The following GBE1 variants were observed in gnomAD, a reference collection of about 807,000 sequenced individuals.
The protein encoded by GBE1 is 1,4-alpha-glucan-branching enzyme.
Under a neutral mutation model 88.8 loss-of-function variants are expected in GBE1, and 70 were observed. The ratio of observed to expected loss-of-function variants is 0.79; its 90% confidence interval spans 0.65 to 0.96. The LOEUF is 0.96. Among genes scored for constraint, GBE1 ranks in the 40% least tolerant of loss-of-function variants. The pLI is 0.00. For missense variants in GBE1, 872 were observed against 871.0 expected, an observed-to-expected ratio of 1.00 and a Z score of -0.01; for synonymous variants, 284 against 300.1, an observed-to-expected ratio of 0.95 and a Z score of 0.56.
At chr3:81,578,182 A>G (rs1703674950) in intron 11 of GBE1, 86 bp from the exon 12 acceptor site, 3 of 924,372 alleles carry the variant, frequency 3.2e-6, no homozygotes, top group Admixed American at 3.1e-5. Flanking sequence ...ATGGTTACAA[A>G]TGTTAGGAAA....
chr3:81,512,078 T>G lies in GBE1; in HGVS notation c.1935-12851A>C, dbSNP rs1438308197. ...TGTAGCTAGAGGTCATTATCTTAAG[T>G]GAATTAACACAGGAACAGAAAACCA... On this transcript the variant is annotated intron_variant, in intron 14 of 15. Coordinates refer to ENST00000429644, the MANE Select transcript of GBE1 (RefSeq NM_000158.4). 4.0e-5 allele frequency among the ~76,000 whole-genome samples: 6 copies of G among 151,790 alleles called. No homozygotes were observed. The Admixed American group carries it at 4.0e-4, about 10-fold the overall frequency.
chr3:81,738,015 T>C lies in GBE1; in HGVS notation c.143+23360A>G, dbSNP rs1366738778. Among the ~76,000 whole-genome samples, 8 of 152,164 alleles carry C rather than the reference T, an allele frequency of 5.3e-5. No individual in the cohort carries two copies. In the South Asian group the frequency reaches 1.5e-3, roughly 28 times the overall value. ...AGAATATGCAGTGTTTGGTTTCTTGTTCTTGCGATAGTTTACTGAGAATGA... is the reference window on the plus strand; with the variant it reads ...AGAATATGCAGTGTTTGGTTTCTTGCTCTTGCGATAGTTTACTGAGAATGA... On this transcript the variant is annotated intron_variant, in intron 1 of 15. Coordinates refer to ENST00000429644, the MANE Select transcript of GBE1 (RefSeq NM_000158.4).
At chr3:81,634,691 T>C (rs1343518041) in intron 7 of GBE1, among the ~76,000 whole-genome samples, 1 of 152,108 alleles carries the variant, frequency 6.6e-6, no homozygotes, top group East Asian at 1.9e-4. Context: ...ATATATCCCA[T>C]GAGAAACAAC....
At chr3:81,526,225 T>G (rs893394973) in intron 14 of GBE1, among the ~76,000 whole-genome samples, 12 of 151,974 alleles carry the variant, frequency 7.9e-5, no homozygotes, top group African/African-American at 2.7e-4. Context: ...GATTCTGGTA[T>G]GTTGTGTCTT....
At chr3:81,728,933 A>C (rs1575768570) in intron 1 of GBE1, among the ~76,000 whole-genome samples, 1 of 150,928 alleles carries the variant, frequency 6.6e-6, no homozygotes, top group African/African-American at 2.4e-5. Flanking sequence ...CCACTCTCTG[A>C]CTCAAGAAGC....
At chr3:81,701,472 A>G (rs1451219674) in intron 2 of GBE1, among the ~76,000 whole-genome samples, 1 of 152,016 alleles carries the variant, frequency 6.6e-6, no homozygotes, top group Non-Finnish European at 1.5e-5. Flanking sequence ...AATTAACAGT[A>G]ATTTTCTGAA....
chr3:81,757,659 G>C (rs568027723), intron 1 of GBE1, among the ~76,000 whole-genome samples: 27 of 152,164 alleles, frequency 1.8e-4, no homozygotes, highest in Non-Finnish European at 2.9e-4. Flanking sequence ...TTGAGCAGCT[G>C]GTAGAGGAAG....
intron 7 of GBE1, 194 bp downstream of exon 7, chr3:81,642,587 G>A: frequency 2.0e-6 from 1 of 493,398 alleles, no homozygotes; most frequent in Non-Finnish European, 3.5e-6. Flanking sequence ...ATGTAAAATT[G>A]AAATTTAATG....
chr3:81,678,433 A>G (rs1705292768), intron 2 of GBE1, among the ~76,000 whole-genome samples: 1 of 152,210 alleles, frequency 6.6e-6, no homozygotes, highest in African/African-American at 2.4e-5. Context: ...TGTGGTTTTA[A>G]ATAAAAGTAT....
At chr3:81,698,673 T>C (rs193217887) in intron 2 of GBE1, among the ~76,000 whole-genome samples, 59 of 152,140 alleles carry the variant, frequency 3.9e-4, no homozygotes, top group African/African-American at 1.3e-3. Context: ...ATGGATGGGA[T>C]TGGGGGAGGA....
At chr3:81,761,175 G>A (rs1165131408) in intron 1 of GBE1, among the ~76,000 whole-genome samples, 200 bp downstream of exon 1, 1 of 152,228 alleles carries the variant, frequency 6.6e-6, no homozygotes, top group Non-Finnish European at 1.5e-5. Flanking sequence ...CGCCCGCTCC[G>A]GGCACCAGCG....
At chr3:81,560,610 T>C (rs1016916416) in intron 12 of GBE1, among the ~76,000 whole-genome samples, 1 of 152,006 alleles carries the variant, frequency 6.6e-6, no homozygotes, top group Non-Finnish European at 1.5e-5. Flanking sequence ...TCTCTTCACC[T>C]CCACATGGTC....
intron 2 of GBE1, among the ~76,000 whole-genome samples, chr3:81,702,545 T>C (rs1705714996): frequency 6.6e-6 from 1 of 152,052 alleles, no homozygotes; most frequent in South Asian, 2.1e-4. Flanking sequence ...TTCTTATCTC[T>C]TCAATAAAAA....
At chr3:81,602,418 G>T (rs1376466593) in intron 7 of GBE1, among the ~76,000 whole-genome samples, 1 of 152,134 alleles carries the variant, frequency 6.6e-6, no homozygotes. Context: ...GACAGAGTAG[G>T]TTATAAACAA....
At chr3:81,655,277 C>A (rs1704917511) in intron 3 of GBE1, among the ~76,000 whole-genome samples, 1 of 151,996 alleles carries the variant, frequency 6.6e-6, no homozygotes, top group African/African-American at 2.4e-5. Context: ...AACAACTGAC[C>A]TCAGGTGATC....
At chr3:81,748,884 G>A (rs1320905371) in intron 1 of GBE1, among the ~76,000 whole-genome samples, 10 of 151,592 alleles carry the variant, frequency 6.6e-5, no homozygotes, top group African/African-American at 2.2e-4. Flanking sequence ...GTGCGCACCT[G>A]TAGTGCCAGC....
intron 13 of GBE1, 67 bp from the exon 14 acceptor site, chr3:81,535,392 T>C (rs1447829530): frequency 3.9e-5 from 57 of 1,468,722 alleles, no homozygotes; most frequent in Non-Finnish European, 5.2e-5. Flanking sequence ...ACATTATTTT[T>C]TGTCTTTCTT....
At chr3:81,631,336 T>A (rs1704505469) in intron 7 of GBE1, among the ~76,000 whole-genome samples, 1 of 152,200 alleles carries the variant, frequency 6.6e-6, no homozygotes, top group African/African-American at 2.4e-5. Flanking sequence ...CTTCATTTAT[T>A]CGACATTGGA....
At chr3:81,579,467 C>T (rs1381385800) in intron 11 of GBE1, among the ~76,000 whole-genome samples, 6 of 151,894 alleles carry the variant, frequency 4.0e-5, no homozygotes, top group Admixed American at 1.3e-4. Context: ...TAGAAATTTA[C>T]GTAAGAAATC....
Sources: gnomAD v4.1 joint callset for allele counts (sites outside exome capture counted in the v4.1 genomes callset) on GRCh38, gnomAD v4.1.1 for gene constraint, MANE v1.5 for transcripts, NCBI Gene and HGNC (gene_info 2026-07-23, HGNC 2026-07-21) for gene names.